SEMA5B: variants seen among roughly 807,000 people sequenced by gnomAD.
The protein encoded by SEMA5B is semaphorin 5B, also known as semaphorin-5B.
In SEMA5B, 66 loss-of-function variants were observed where a neutral mutation model predicts 135.0. The ratio of observed to expected loss-of-function variants is 0.49; its 90% CI spans 0.40 to 0.60. The LOEUF is 0.60. SEMA5B is among the 20% of genes least tolerant of loss of function. The pLI is 0.00. For synonymous variants in SEMA5B, 690 were observed against 639.5 expected (o/e 1.08, Z -1.19); for missense variants, 1,501 against 1,566.3 (o/e 0.96, Z 0.70).
intron 1 of SEMA5B, among the ~76,000 whole-genome samples, chr3:123,013,160 G>C (rs1046974523): frequency 6.6e-6 from 1 of 152,214 alleles, no homozygotes; most frequent in Admixed American, 6.5e-5. Flanking sequence ...GGAAGCCTGG[G>C]ATTGGCTTAC....
intron 1 of SEMA5B, among the ~76,000 whole-genome samples, chr3:123,022,259 T>C (rs748794425): frequency 6.6e-6 from 1 of 152,222 alleles, no homozygotes; most frequent in Non-Finnish European, 1.5e-5. Context: ...GCAGGACAGA[T>C]GGTCACTAAA....
chr3:122,947,082 C>G (rs1939822107), intron 3 of SEMA5B, among the ~76,000 whole-genome samples: 1 of 151,880 alleles, frequency 6.6e-6, no homozygotes, highest in South Asian at 2.1e-4. Context: ...CAACAAAGCC[C>G]CTGGGAGGAA....
At chr3:122,914,778 T>A (rs548944262) in intron 14 of SEMA5B, among the ~76,000 whole-genome samples, 39 of 152,158 alleles carry the variant, frequency 2.6e-4, no homozygotes, top group Middle Eastern at 3.4e-3. Flanking sequence ...CTACAAAAAA[T>A]TTTTAAAAAT....
rs117286794 is a variant in SEMA5B at position 122,924,064 on chromosome 3, A to G, written c.1137-312T>C. Among the ~76,000 whole-genome samples, 45 of 152,272 alleles carry G rather than the reference A, an allele frequency of 3.0e-4. 1 individual carries two copies. The East Asian group carries it at 8.5e-3, about 29-fold the overall frequency. On this transcript the variant is annotated intron_variant, in intron 9 of 22. Transcript: ENST00000357599. ...TAGTCCATGGACCGTGGTAAGAGAT[A>G]TATTTTACCCTACAACTCAGTATAA...
chr3:123,028,229 G>T (rs1424759348), upstream of SEMA5B, among the ~76,000 whole-genome samples: 1 of 152,210 alleles, frequency 6.6e-6, no homozygotes, highest in Non-Finnish European at 1.5e-5. Context: ...AGTTCGGAAC[G>T]ATCTTCCTGC....
chr3:122,970,326 T>C (rs1226476914), intron 1 of SEMA5B, among the ~76,000 whole-genome samples: 1 of 152,226 alleles, frequency 6.6e-6, no homozygotes, highest in Non-Finnish European at 1.5e-5. Context: ...TCCAGCCTCG[T>C]GGTTCTCACA....
chr3:122,926,104 A>T (rs1938615800), intron 9 of SEMA5B, among the ~76,000 whole-genome samples: 1 of 152,110 alleles, frequency 6.6e-6, no homozygotes, highest in East Asian at 1.9e-4. Flanking sequence ...CTACATGGCT[A>T]TATCCCCTCA....
chr3:122,978,951 C>A (rs1941430800), intron 1 of SEMA5B, among the ~76,000 whole-genome samples: 1 of 152,182 alleles, frequency 6.6e-6, no homozygotes, highest in African/African-American at 2.4e-5. Context: ...TCATGCTCGT[C>A]CTCCTGCCCA....
At chr3:122,964,557 A>G (rs1355252756) in intron 1 of SEMA5B, among the ~76,000 whole-genome samples, 1 of 152,080 alleles carries the variant, frequency 6.6e-6, no homozygotes, top group African/African-American at 2.4e-5. Flanking sequence ...ACCAAACAAA[A>G]CATGTCTCTC....
At chr3:123,015,026 G>T (rs1217020379) in intron 1 of SEMA5B, among the ~76,000 whole-genome samples, 1 of 152,146 alleles carries the variant, frequency 6.6e-6, no homozygotes, top group African/African-American at 2.4e-5. Context: ...AAAGATGAAG[G>T]CAGAAATTAT....
chr3:122,952,415 A>C (rs1412209225), intron 2 of SEMA5B, among the ~76,000 whole-genome samples: 3 of 152,230 alleles, frequency 2.0e-5, no homozygotes, highest in Non-Finnish European at 1.5e-5. Context: ...CCCGAGGCCC[A>C]GTCCTAGTCC....
chr3:123,002,763 G>T (rs1272429462), intron 1 of SEMA5B, among the ~76,000 whole-genome samples: 21 of 152,288 alleles, frequency 1.4e-4, no homozygotes, highest in East Asian at 3.9e-4. Flanking sequence ...TGAGCACAGG[G>T]TTATTTATTC....
intron 1 of SEMA5B, among the ~76,000 whole-genome samples, chr3:123,023,518 A>G (rs1441995951): frequency 6.6e-6 from 1 of 152,182 alleles, no homozygotes; most frequent in Non-Finnish European, 1.5e-5. Flanking sequence ...CTGGCTTTGC[A>G]TCTATTTACA....
At chr3:122,989,833 A>G (rs1461416970) in intron 1 of SEMA5B, among the ~76,000 whole-genome samples, 3 of 152,184 alleles carry the variant, frequency 2.0e-5, no homozygotes, top group Non-Finnish European at 4.4e-5. Flanking sequence ...TCAGAAAAAG[A>G]GGAGAAGGGT....
chr3:122,991,512 A>G (rs1252503875), intron 1 of SEMA5B, among the ~76,000 whole-genome samples: 1 of 152,164 alleles, frequency 6.6e-6, no homozygotes, highest in Admixed American at 6.5e-5. Context: ...GCTGCCAAAC[A>G]TCCTACAAGG....
In SEMA5B at chr3:122,912,155, C is replaced by T. The variant is rs1168642936; in HGVS notation, c.2896+17G>A. On this transcript the variant is annotated intron_variant, in intron 19 of 22. Transcript: ENST00000357599. The stretch of plus-strand genomic sequence containing the variant: ...GCTCCATGTCGCTTCCCAGCCCTGG[C>T]GGGATGTGCCTCATACCTGGGCAGG... 2.5e-6 allele frequency: 4 copies of T among 1,579,604 alleles called. No individual in the cohort carries two copies. The highest frequency in any genetic ancestry group is 2.3e-5 in the East Asian group (1 of 44,280).
At position 122,912,333 on chromosome 3, in the gene SEMA5B, G is replaced by C. The variant is rs963270665; in HGVS notation, c.2735C>G (p.Ala912Gly). The C allele has an allele frequency of 2.5e-6, 4 of 1,600,356 alleles. No homozygotes were observed. The highest frequency in any genetic ancestry group is 1.3e-5 in the African/African-American group (1 of 74,688). ...CNPQACPVRGAWSCWTSWSPC... is the reference protein window; with the variant it reads ...CNPQACPVRGGWSCWTSWSPC... ...AGACCATGAGGTCCAGCAGGACCAA[G>C]CACCCCGAACTGCAAGGGGACGGGG... The change falls in exon 19 of 23, where the codon GCT (alanine) becomes GGT (glycine). Residue 912 changes from alanine (A) to glycine (G), a missense_variant. Ala to Gly is a moderately conservative substitution (Grantham distance 60). Coordinates refer to ENST00000357599, the MANE Select transcript of SEMA5B (RefSeq NM_001031702.4).
At chr3:123,012,821 G>T in intron 1 of SEMA5B, among the ~76,000 whole-genome samples, 1 of 152,178 alleles carries the variant, frequency 6.6e-6, no homozygotes, top group Non-Finnish European at 1.5e-5. Flanking sequence ...GGCCACACCA[G>T]AATTGCCTTC....
chr3:122,970,926 G>A (rs530328303), intron 1 of SEMA5B, among the ~76,000 whole-genome samples: 1 of 152,282 alleles, frequency 6.6e-6, no homozygotes, highest in Admixed American at 6.5e-5. Context: ...TTCCCTTTAG[G>A]GACCCTTCTA....
Sources: gnomAD v4.1 joint callset for allele counts (sites outside exome capture counted in the v4.1 genomes callset) on GRCh38, gnomAD v4.1.1 for gene constraint, MANE v1.5 for transcripts, NCBI Gene and HGNC (gene_info 2026-07-23, HGNC 2026-07-21) for gene names.